Variants in DMRT1 observed in about 807,000 individuals in gnomAD.
The protein encoded by DMRT1 is doublesex- and mab-3-related transcription factor 1.
DMRT1 carries 7 observed loss-of-function variants against 32.3 expected under a neutral mutation model. That is an observed-to-expected ratio of 0.22 (90% CI 0.12 to 0.41). The LOEUF (loss-of-function observed/expected upper bound fraction) is 0.41. DMRT1 is among the 10% of genes least tolerant of loss of function. The probability of loss-of-function intolerance (pLI) is 1.00; values close to 1 mark genes in which losing one functional copy is unlikely to be tolerated. For synonymous variants in DMRT1, 278 were observed against 206.1 expected, an observed-to-expected ratio of 1.35 and a Z score of -2.99; for missense variants, 625 against 500.5, an observed-to-expected ratio of 1.25 and a Z score of -2.37.
intron 3 of DMRT1, among the ~76,000 whole-genome samples, chr9:899,886 A>G (rs1817506259): frequency 6.6e-6 from 1 of 152,204 alleles, no homozygotes; most frequent in East Asian, 1.9e-4. Context: ...CCAGATGTGT[A>G]GACTTACATT....
chr9:886,464 C>T (rs1816933432), intron 2 of DMRT1, among the ~76,000 whole-genome samples: 1 of 152,002 alleles, frequency 6.6e-6, no homozygotes, highest in Non-Finnish European at 1.5e-5. Context: ...CCATGTTGGC[C>T]AGGTTGGTCC....
Position 935,880 on chromosome 9 carries a change from C to T in DMRT1, c.967+18973C>T, listed in dbSNP as rs138223389. Among the ~76,000 whole-genome samples, 635 of 152,330 alleles carry T rather than the reference C, an allele frequency of 4.2e-3. 5 individuals carry two copies. The highest frequency in any genetic ancestry group is 0.015 in the African/African-American group (613 of 41,576). On this transcript the variant is annotated intron_variant, in intron 4 of 4. Coordinates refer to ENST00000382276, the MANE Select transcript of DMRT1 (RefSeq NM_021951.3). ...GTTCATTTTTTAATCCTGTGAATAG[C>T]ACTTCACTGCTGTGAAACCAGAGAG...
intron 2 of DMRT1, among the ~76,000 whole-genome samples, chr9:888,137 G>A (rs1452680411): frequency 6.6e-6 from 1 of 152,132 alleles, no homozygotes; most frequent in African/African-American, 2.4e-5. Flanking sequence ...ATAAGCATTT[G>A]AATAGATGAA....
rs183399394 is a variant in DMRT1 at position 960,494 on chromosome 9, T to C, written c.968-7491T>C. Among the ~76,000 whole-genome samples the C allele has an allele frequency of 5.9e-5, 9 of 152,344 alleles. No individual in the cohort carries two copies. In the South Asian group the frequency reaches 1.2e-3, roughly 21 times the overall value. On this transcript the variant is annotated intron_variant, in intron 4 of 4. Transcript: ENST00000382276. ...AATGAGTAACAAGTGTATAGACCTT[T>C]AGGGTTTACAAACTATTTTGTCTCC...
intron 1 of DMRT1, among the ~76,000 whole-genome samples, chr9:843,324 G>A (rs962105177): frequency 2.6e-5 from 4 of 152,206 alleles, no homozygotes; most frequent in African/African-American, 7.2e-5. Flanking sequence ...GCGCGCCTGG[G>A]GCGCTTTTTG....
chr9:844,483 C>G (rs970812707), intron 1 of DMRT1, among the ~76,000 whole-genome samples: 1 of 141,108 alleles, frequency 7.1e-6, no homozygotes, highest in African/African-American at 3.2e-5. Context: ...AAACTTGTTT[C>G]TGGCCAGATT....
At chr9:842,294 G>C in intron 1 of DMRT1, 102 bp downstream of exon 1, 7 of 1,423,418 alleles carry the variant, frequency 4.9e-6, no homozygotes, top group South Asian at 1.3e-5. Flanking sequence ...CAGTGTAGTG[G>C]CGCGATCTTG....
rs149450246 is a variant in DMRT1, at chr9:964,471, C to T, written c.968-3514C>T. On this transcript the variant is annotated intron_variant, in intron 4 of 4. Transcript: ENST00000382276. ...GAGGTTTACCCACCTTTCATTGTAA[C>T]ACAAAAAAATATCAGATGGGCAAGT... 9.7e-3 allele frequency among the ~76,000 whole-genome samples: 1,482 copies of T among 152,114 alleles called. 12 individuals are homozygous for T. The highest frequency in any genetic ancestry group is 0.016 in the Non-Finnish European group (1,055 of 67,982).
intron 2 of DMRT1, among the ~76,000 whole-genome samples, chr9:890,873 C>T (rs1172136394): frequency 6.6e-6 from 1 of 152,000 alleles, no homozygotes; most frequent in African/African-American, 2.4e-5. Flanking sequence ...CACCACCATG[C>T]CGATGTCCGG....
chr9:856,019 C>T (rs146145962), intron 2 of DMRT1, among the ~76,000 whole-genome samples: 2 of 152,152 alleles, frequency 1.3e-5, no homozygotes, highest in East Asian at 1.9e-4. Context: ...CAGGTTCAAG[C>T]GATTCTCCTG....
intron 4 of DMRT1, among the ~76,000 whole-genome samples, chr9:940,555 T>G (rs186458442): frequency 2.2e-4 from 34 of 152,190 alleles, no homozygotes; most frequent in Admixed American, 1.9e-3. Flanking sequence ...TAACTCAAAA[T>G]GGATCAAAGA....
intron 4 of DMRT1, among the ~76,000 whole-genome samples, chr9:923,127 A>G (rs1818409287): frequency 6.6e-6 from 1 of 152,182 alleles, no homozygotes. Context: ...CTTGCACCTC[A>G]GGGAGTGGAC....
intron 4 of DMRT1, among the ~76,000 whole-genome samples, chr9:924,133 A>G (rs1432366646): frequency 2.7e-5 from 4 of 145,704 alleles, no homozygotes; most frequent in Admixed American, 7.1e-5. Context: ...GTGCAGTGGC[A>G]TGATCTCGGC....
intron 4 of DMRT1, among the ~76,000 whole-genome samples, chr9:957,649 T>C (rs1819641576): frequency 6.6e-6 from 1 of 152,232 alleles, no homozygotes; most frequent in African/African-American, 2.4e-5. Context: ...TCAATCTTGA[T>C]TGTTTTTCGA....
intron 4 of DMRT1, among the ~76,000 whole-genome samples, chr9:919,049 T>C (rs1312822448): frequency 6.6e-6 from 1 of 152,078 alleles, no homozygotes; most frequent in Admixed American, 6.5e-5. Flanking sequence ...AGACAGGAAA[T>C]GATGGGTGGG....
intron 3 of DMRT1, among the ~76,000 whole-genome samples, chr9:905,376 GGGAA>G (rs1817732475): frequency 6.6e-6 from 1 of 151,970 alleles, no homozygotes; most frequent in African/African-American, 2.4e-5. Context: ...CCAGTTCTAG[GGGAA>G]GGAAGGCAGA....
intron 4 of DMRT1, among the ~76,000 whole-genome samples, chr9:928,827 A>ATTTTATTTATTTATTTAT (rs1586630124): frequency 6.6e-6 from 1 of 151,684 alleles, no homozygotes; most frequent in Non-Finnish European, 1.5e-5. Context: ...TGAAATTTAA[A>ATTTTATTTATTTATTTAT]TTTTATTTAT....
At chr9:962,102 T>G (rs1819792472) in intron 4 of DMRT1, among the ~76,000 whole-genome samples, 1 of 152,184 alleles carries the variant, frequency 6.6e-6, no homozygotes, top group Non-Finnish European at 1.5e-5. Context: ...ACTTAATATA[T>G]TTTGGTTAAA....
intron 3 of DMRT1, among the ~76,000 whole-genome samples, chr9:902,528 C>T (rs1817627857): frequency 6.6e-6 from 1 of 151,206 alleles, no homozygotes; most frequent in East Asian, 2.0e-4. Flanking sequence ...GCTGTCTTGC[C>T]CAGGCTGGAG....
Sources: allele counts gnomAD v4.1 joint callset (sites outside exome capture counted in the v4.1 genomes callset), GRCh38; gene constraint gnomAD v4.1.1; transcripts MANE v1.5; gene names NCBI Gene and HGNC (gene_info 2026-07-23, HGNC 2026-07-21).